PRDM1: variants seen among roughly 807,000 people sequenced by gnomAD.
PRDM1 encodes PR domain zinc finger protein 1.
Under a neutral mutation model 62.8 loss-of-function variants are expected in PRDM1, and 13 were observed. The ratio of observed to expected loss-of-function variants is 0.21; its 90% confidence interval spans 0.13 to 0.33. The LOEUF is 0.33. Among genes scored for constraint, PRDM1 ranks in the 10% least tolerant of loss-of-function variants. The pLI is 1.00. For synonymous variants in PRDM1, 396 were observed against 417.6 expected (o/e 0.95, Z 0.63); for missense variants, 895 against 1,058.8 (o/e 0.85, Z 2.15).
At chr6:105,999,765 TATTTGC>T (rs1412990324) in intron 1 of PRDM1, among the ~76,000 whole-genome samples, 2 of 152,244 alleles carry the variant, frequency 1.3e-5, no homozygotes, top group Non-Finnish European at 2.9e-5. Context: ...GATTAAATGA[TATTTGC>T]AAAAATATCC....
rs187043160 is a variant in PRDM1 at position 106,028,048 on chromosome 6, C to T, written c.-67+34409C>T. 3.3e-5 allele frequency among the ~76,000 whole-genome samples: 5 copies of T among 152,330 alleles called. No individual in the cohort carries two copies. The East Asian group carries it at 9.7e-4, about 29-fold the overall frequency. On this transcript the variant is annotated intron_variant, in intron 1 of 6. Coordinates refer to the PRDM1 transcript ENST00000652320. ...AGAGCTCTTCTGCATTCCTCTTCTACCCTAAAAAACACATTGAATACCTTC... is the reference window on the plus strand; with the variant it reads ...AGAGCTCTTCTGCATTCCTCTTCTATCCTAAAAAACACATTGAATACCTTC...
At chr6:106,065,706 T>G (rs770078881) in intron 1 of PRDM1, among the ~76,000 whole-genome samples, 38 of 152,220 alleles carry the variant, frequency 2.5e-4, no homozygotes, top group Admixed American at 1.0e-3. Flanking sequence ...CAGTTTATTT[T>G]AAATAAAAAC....
At chr6:106,035,798 G>A (rs895178098) in intron 1 of PRDM1, among the ~76,000 whole-genome samples, 1 of 151,980 alleles carries the variant, frequency 6.6e-6, no homozygotes, top group African/African-American at 2.4e-5. Flanking sequence ...ATTGGGTCAT[G>A]GGTCATGTTT....
intron 1 of PRDM1, among the ~76,000 whole-genome samples, chr6:106,069,762 T>A (rs1315969190): frequency 6.6e-6 from 1 of 152,216 alleles, no homozygotes; most frequent in Non-Finnish European, 1.5e-5. Flanking sequence ...AAATGCACTC[T>A]CGTGTGCTCC....
intron 1 of PRDM1, among the ~76,000 whole-genome samples, chr6:106,079,993 G>T (rs1019213951): frequency 5.1e-4 from 77 of 152,222 alleles, no homozygotes; most frequent in African/African-American, 1.8e-3. Context: ...GAATTGCAAA[G>T]ATGATTTTGC....
At chr6:106,094,085 A>AG (rs1774026328) in intron 2 of PRDM1, among the ~76,000 whole-genome samples, 1 of 152,236 alleles carries the variant, frequency 6.6e-6, no homozygotes. Context: ...AGACTTAATG[A>AG]GGAACTGGTG....
chr6:106,054,822 T>C (rs1773237923), intron 1 of PRDM1, among the ~76,000 whole-genome samples: 1 of 152,200 alleles, frequency 6.6e-6, no homozygotes, highest in African/African-American at 2.4e-5. Flanking sequence ...CCATAAAAGG[T>C]ATATATTTCT....
chr6:106,097,956 A>C (rs1297088278), intron 3 of PRDM1, among the ~76,000 whole-genome samples: 3 of 152,228 alleles, frequency 2.0e-5, no homozygotes, highest in African/African-American at 7.2e-5. Context: ...ATGAAGCCAC[A>C]TGTATTTCCC....
chr6:106,064,529 G>A (rs1773397271), intron 1 of PRDM1, among the ~76,000 whole-genome samples: 1 of 152,184 alleles, frequency 6.6e-6, no homozygotes, highest in Non-Finnish European at 1.5e-5. Context: ...AGGGGAGATG[G>A]GAAGCAGTGC....
At chr6:106,045,684 CT>C (rs1773062705), upstream of PRDM1, 1 of 152,116 alleles carries the variant, frequency 6.6e-6, no homozygotes. Context: ...TCTCTGTTTG[CT>C]TTTCTGTGAC....
At chr6:106,042,909 G>A (rs1773023127) in intron 1 of PRDM1, among the ~76,000 whole-genome samples, 1 of 152,086 alleles carries the variant, frequency 6.6e-6, no homozygotes, top group Non-Finnish European at 1.5e-5. Flanking sequence ...GGAATGCAAT[G>A]GCGCATTCTC....
intron 1 of PRDM1, among the ~76,000 whole-genome samples, chr6:106,040,476 A>G (rs1772978100): frequency 6.6e-6 from 1 of 152,218 alleles, no homozygotes; most frequent in Non-Finnish European, 1.5e-5. Context: ...AGTCTGCTTA[A>G]GAGATATACT....
At chr6:106,048,679 A>G (rs1773119000) in exon 1 of PRDM1, among the ~76,000 whole-genome samples, 1 of 152,170 alleles carries the variant, frequency 6.6e-6, no homozygotes, top group South Asian at 2.1e-4. Flanking sequence ...TTATCAGGAG[A>G]GAAATGTGTT....
intron 1 of PRDM1, among the ~76,000 whole-genome samples, chr6:106,070,527 T>C (rs1407665923): frequency 6.6e-6 from 1 of 152,250 alleles, no homozygotes; most frequent in Non-Finnish European, 1.5e-5. Flanking sequence ...AATATGCTTA[T>C]ATAACTTTGC....
At chr6:106,081,607 G>GGC (rs1773695520), upstream of PRDM1, among the ~76,000 whole-genome samples, 3 of 152,258 alleles carry the variant, frequency 2.0e-5, no homozygotes, top group Non-Finnish European at 4.4e-5. Flanking sequence ...GGGAGTTGGG[G>GGC]GCTGGGGGTG....
chr6:105,995,105 C>G (rs1006217772), intron 1 of PRDM1, among the ~76,000 whole-genome samples: 22 of 152,190 alleles, frequency 1.4e-4, no homozygotes, highest in African/African-American at 5.1e-4. Flanking sequence ...TTTTGGCCAG[C>G]CTCATCCTCC....
At chr6:106,098,344 G>A (rs748248349) in intron 3 of PRDM1, 116 of 985,214 alleles carry the variant, frequency 1.2e-4, no homozygotes, top group Non-Finnish European at 1.3e-4. Context: ...AAGAGTGTAC[G>A]TTTTAATTTT....
At chr6:106,095,359 C>T (rs985076215) in intron 2 of PRDM1, among the ~76,000 whole-genome samples, 16 of 152,090 alleles carry the variant, frequency 1.1e-4, no homozygotes, top group African/African-American at 3.9e-4. Context: ...TAAAAGATCC[C>T]GTATTACCAG....
intron 4 of PRDM1, among the ~76,000 whole-genome samples, chr6:106,101,964 A>AG (rs1257399176): frequency 2.0e-5 from 3 of 152,158 alleles, no homozygotes; most frequent in East Asian, 1.9e-4. Flanking sequence ...CAAATTTGGC[A>AG]GGGGGGGAGG....
Sources: allele counts gnomAD v4.1 joint callset (sites outside exome capture counted in the v4.1 genomes callset), GRCh38; gene constraint gnomAD v4.1.1; transcripts MANE v1.5; gene names NCBI Gene and HGNC (gene_info 2026-07-23, HGNC 2026-07-21).